Variants in TRERF1 observed in about 807,000 individuals in gnomAD.
TRERF1 encodes the protein transcriptional regulating factor 1.
A neutral mutation model predicts 122.9 loss-of-function variants in TRERF1; 27 were observed. That is an observed-to-expected ratio of 0.22 (90% CI 0.16 to 0.30). The LOEUF (loss-of-function observed/expected upper bound fraction) is 0.30, where lower values mean the gene tolerates loss of function less well. Among genes scored for constraint, TRERF1 ranks in the 10% least tolerant of loss-of-function variants. TRERF1 has a pLI of 1.00. For missense variants in TRERF1, 1,248 were observed against 1,560.3 expected (o/e 0.80, Z 3.37); for synonymous variants, 636 against 641.7 (o/e 0.99, Z 0.13).
chr6:42,361,461 T>G (rs1008670866), intron 3 of TRERF1, among the ~76,000 whole-genome samples: 1 of 152,240 alleles, frequency 6.6e-6, no homozygotes, highest in Non-Finnish European at 1.5e-5. Flanking sequence ...CTGTTTCAAA[T>G]GTTTTGTGTT....
At chr6:42,307,587 G>T (rs556561146) in intron 3 of TRERF1, among the ~76,000 whole-genome samples, 56 of 152,182 alleles carry the variant, frequency 3.7e-4, no homozygotes, top group Non-Finnish European at 7.4e-4. Flanking sequence ...GGGACACCAG[G>T]GGGTGGGTCA....
rs995727865 is a variant in TRERF1 at position 42,398,322 on chromosome 6, C to CTCAG, written c.-453-35244_-453-35243insCTGA. On this transcript the variant is annotated intron_variant, in intron 2 of 17. Coordinates refer to ENST00000372922, the Ensembl canonical transcript of TRERF1. The stretch of plus-strand genomic sequence containing the variant: ...TTATAGGGCATGTACCATTTAAACC[C>CTCAG]AGGACAGAATCACCTCTGAGTTTGT... 5.9e-5 allele frequency among the ~76,000 whole-genome samples: 9 copies of CTCAG among 152,182 alleles called. No individual in the cohort carries two copies. In the South Asian group the frequency reaches 1.7e-3, roughly 28 times the overall value.
At chr6:42,413,770 G>T (rs866181368) in intron 2 of TRERF1, among the ~76,000 whole-genome samples, 1 of 152,072 alleles carries the variant, frequency 6.6e-6, no homozygotes, top group East Asian at 1.9e-4. Flanking sequence ...AAGGAGCTTC[G>T]TGTGCACCTT....
At chr6:42,440,025 T>G (rs144948112) in intron 2 of TRERF1, among the ~76,000 whole-genome samples, 1 of 152,204 alleles carries the variant, frequency 6.6e-6, no homozygotes, top group Non-Finnish European at 1.5e-5. Context: ...CAATAAATGC[T>G]TGATGAACAA....
intron 2 of TRERF1, among the ~76,000 whole-genome samples, chr6:42,436,810 AAAAAATATAT>A (rs1785465021): frequency 9.8e-6 from 1 of 102,266 alleles, no homozygotes; most frequent in African/African-American, 3.5e-5. Flanking sequence ...CAAAAAAAAA[AAAAAATATAT>A]ATATATATAT....
At chr6:42,235,357 C>A (rs574839169) in intron 16 of TRERF1, among the ~76,000 whole-genome samples, 59 of 152,134 alleles carry the variant, frequency 3.9e-4, no homozygotes, top group Non-Finnish European at 7.4e-4. Context: ...CCTTAAGAAA[C>A]CTGATTTGGG....
At chr6:42,264,670 A>T in intron 7 of TRERF1, 34 bp downstream of exon 7, 2 of 1,609,350 alleles carry the variant, frequency 1.2e-6, no homozygotes, top group Non-Finnish European at 1.7e-6. Context: ...GCAGCACACG[A>T]CCTAGAAAGG....
intron 3 of TRERF1, among the ~76,000 whole-genome samples, chr6:42,328,004 CTT>C (rs36069546): frequency 0.069 from 7,433 of 107,948 alleles, 434 homozygotes; most frequent in African/African-American, 0.2. Flanking sequence ...TTCTTTCTTT[CTT>C]TTTTTTTTTT....
intron 2 of TRERF1, among the ~76,000 whole-genome samples, chr6:42,428,302 TA>T (rs1435152835): frequency 6.6e-6 from 1 of 152,272 alleles, no homozygotes; most frequent in Non-Finnish European, 1.5e-5. Context: ...TGTAACTGAA[TA>T]TTTTTAGTTC....
At chr6:42,308,020 T>A (rs905468339) in intron 3 of TRERF1, among the ~76,000 whole-genome samples, 2 of 152,192 alleles carry the variant, frequency 1.3e-5, no homozygotes, top group African/African-American at 4.8e-5. Flanking sequence ...CCAGTAGGGA[T>A]GGAAAATGGT....
At chr6:42,431,726 C>A (rs545518108) in intron 2 of TRERF1, among the ~76,000 whole-genome samples, 1 of 151,202 alleles carries the variant, frequency 6.6e-6, no homozygotes, top group Non-Finnish European at 1.5e-5. Context: ...ACACCAGGGA[C>A]CCCCCAACCC....
intron 3 of TRERF1, among the ~76,000 whole-genome samples, chr6:42,301,474 C>T (rs543348553): frequency 7.9e-5 from 12 of 152,288 alleles, no homozygotes; most frequent in African/African-American, 2.9e-4. Flanking sequence ...ATGATCTGCC[C>T]GCCTCGGCCT....
At chr6:42,447,232 A>C (rs1033646333) in intron 2 of TRERF1, among the ~76,000 whole-genome samples, 5 of 152,252 alleles carry the variant, frequency 3.3e-5, no homozygotes, top group African/African-American at 1.2e-4. Context: ...AAACCAAATT[A>C]CTACAAGCAG....
chr6:42,368,469 T>C (rs962678431), intron 2 of TRERF1, among the ~76,000 whole-genome samples: 2 of 151,764 alleles, frequency 1.3e-5, no homozygotes, highest in Non-Finnish European at 2.9e-5. Flanking sequence ...ATGGTAAAGA[T>C]AAAACAGCAA....
At chr6:42,262,966 C>T (rs1045470067) in intron 8 of TRERF1, among the ~76,000 whole-genome samples, 1 of 152,168 alleles carries the variant, frequency 6.6e-6, no homozygotes, top group Non-Finnish European at 1.5e-5. Flanking sequence ...ACAGGACTTC[C>T]ATATTTCAAT....
chr6:42,348,905 C>T (rs558606189), intron 3 of TRERF1, among the ~76,000 whole-genome samples: 7 of 152,262 alleles, frequency 4.6e-5, no homozygotes, highest in South Asian at 2.1e-4. Context: ...GGAAGACTCA[C>T]GAGATAGTGA....
In TRERF1 at chr6:42,362,160, C is replaced by T. The variant is rs962746958; in HGVS notation, c.-371+837G>A. Among the ~76,000 whole-genome samples the T allele has an allele frequency of 2.6e-5, 4 of 152,192 alleles. No homozygotes were observed. In the East Asian group the frequency reaches 5.8e-4, roughly 22 times the overall value. Reference sequence around the variant, plus strand: ...CCCTTCAGTAGACGCTCTTCAATTACCCCATTTGCACGAGCCACGTGTTTC... The same window carrying T: ...CCCTTCAGTAGACGCTCTTCAATTATCCCATTTGCACGAGCCACGTGTTTC... On this transcript the variant is annotated intron_variant, in intron 3 of 17. Transcript: ENST00000372922.
At position 42,330,327 on chromosome 6, in the gene TRERF1, C is replaced by A. The variant is rs184665042; in HGVS notation, c.-370-29578G>T. On this transcript the variant is annotated intron_variant, in intron 3 of 17. Coordinates refer to ENST00000372922, the Ensembl canonical transcript of TRERF1. ...TGTGGAGGAAACATGTATGCCAATACACTGGCTAGGGGGAAAAAGCTAGTA... is the reference window on the plus strand; with the variant it reads ...TGTGGAGGAAACATGTATGCCAATAAACTGGCTAGGGGGAAAAAGCTAGTA... Among the ~76,000 whole-genome samples the A allele has an allele frequency of 4.5e-3, 689 of 152,324 alleles. 3 individuals are homozygous for A. Among genetic ancestry groups the A allele is most frequent in the Non-Finnish European group, 7.3e-3 (494 of 68,026 alleles).
At position 42,265,530 on chromosome 6, in the gene TRERF1, G is replaced by T. The variant is rs546435012; in HGVS notation, c.1484+221C>A. Among the ~76,000 whole-genome samples, 11 of 152,290 alleles carry T rather than the reference G, an allele frequency of 7.2e-5. No individual in the cohort carries two copies. The South Asian group carries it at 2.1e-3, about 29-fold the overall frequency. ...AGCTAACAATTATTGAGTGCTTACT[G>T]AGTATAGGCACATCGTAATCACACC... On this transcript the variant is annotated intron_variant, in intron 6 of 17. Transcript: ENST00000372922.
Sources: allele counts gnomAD v4.1 joint callset (sites outside exome capture counted in the v4.1 genomes callset), GRCh38; gene constraint gnomAD v4.1.1; transcripts MANE v1.5; gene names NCBI Gene and HGNC (gene_info 2026-07-23, HGNC 2026-07-21).